The following KCNK2 variants were observed in gnomAD, a reference collection of about 807,000 sequenced individuals.
KCNK2 encodes the protein potassium two pore domain channel subfamily K member 2.
Under a neutral mutation model 40.5 loss-of-function variants are expected in KCNK2, and 21 were observed. That is an observed-to-expected ratio of 0.52 (90% CI 0.37 to 0.75). The LOEUF (loss-of-function observed/expected upper bound fraction) is 0.75, where lower values mean the gene tolerates loss of function less well. Ranked by LOEUF, KCNK2 falls within the 30% of genes least tolerant of loss-of-function variation. The pLI, the probability that KCNK2 is intolerant of heterozygous loss-of-function variation, is 0.00. For missense variants in KCNK2, 399 were observed against 531.6 expected, an observed-to-expected ratio of 0.75 and a Z score of 2.45; for synonymous variants, 191 against 202.2, an observed-to-expected ratio of 0.94 and a Z score of 0.47.
chr1:215,076,545 A>G (rs868010087), intron 1 of KCNK2, among the ~76,000 whole-genome samples: 44 of 152,148 alleles, frequency 2.9e-4, no homozygotes, highest in Admixed American at 1.0e-3. Flanking sequence ...ACCTCTCTGG[A>G]GGGTTGATTT....
At chr1:215,209,964 ATATATAT>A (rs1209981114) in intron 6 of KCNK2, among the ~76,000 whole-genome samples, 68 of 44,216 alleles carry the variant, frequency 1.5e-3, no homozygotes, top group Admixed American at 4.4e-3. Context: ...AATATATTTT[ATATATAT>A]TATATATATT....
chr1:215,005,602 C>T (rs1449835220), upstream of KCNK2, among the ~76,000 whole-genome samples: 1 of 152,198 alleles, frequency 6.6e-6, no homozygotes, highest in African/African-American at 2.4e-5. Flanking sequence ...AAGGAAGAAA[C>T]TTCTGTCTTT....
intron 6 of KCNK2, among the ~76,000 whole-genome samples, chr1:215,230,118 C>T (rs1229311463): frequency 6.9e-6 from 1 of 145,612 alleles, no homozygotes; most frequent in Admixed American, 6.8e-5. Context: ...CACACACACA[C>T]ACACACACAC....
At chr1:215,106,478 T>G (rs1660444541) in intron 2 of KCNK2, among the ~76,000 whole-genome samples, 1 of 152,106 alleles carries the variant, frequency 6.6e-6, no homozygotes. Flanking sequence ...ATTCTGGATA[T>G]TAGGTCCAGA....
At chr1:215,186,131 G>A (rs895306495) in intron 5 of KCNK2, among the ~76,000 whole-genome samples, 2 of 152,130 alleles carry the variant, frequency 1.3e-5, no homozygotes, top group Admixed American at 6.5e-5. Context: ...AGAACATGAC[G>A]ATTAGGCTGG....
At position 215,065,754 on chromosome 1, in the gene KCNK2, G is replaced by A. The variant is rs934468093; in HGVS notation, c.35-20614G>A. Among the ~76,000 whole-genome samples the A allele has an allele frequency of 9.8e-5, 15 of 152,310 alleles. No individual in the cohort carries two copies. In the East Asian group the frequency reaches 2.9e-3, roughly 29 times the overall value. ...TGGACACCTTGCATCAGTAACCCATGCTTTGACTTGGTCTGGCTAGTGACA... is the reference window on the plus strand; with the variant it reads ...TGGACACCTTGCATCAGTAACCCATACTTTGACTTGGTCTGGCTAGTGACA... On this transcript the variant is annotated intron_variant, in intron 1 of 6. Coordinates refer to the KCNK2 transcript ENST00000391895.
chr1:215,176,251 TG>T (rs1663964040), intron 5 of KCNK2, among the ~76,000 whole-genome samples: 1 of 152,290 alleles, frequency 6.6e-6, no homozygotes, highest in African/African-American at 2.4e-5. Context: ...ATTAGTGATG[TG>T]GGGCATTTTT....
At chr1:215,209,424 T>TATATAATATAAAATATATAAA (rs1558140057) in intron 6 of KCNK2, among the ~76,000 whole-genome samples, 1 of 54,886 alleles carries the variant, frequency 1.8e-5, no homozygotes, top group Non-Finnish European at 2.9e-5. Context: ...TTATATATAA[T>TATATAATATAAAATATATAAA]ATATATAATA....
chr1:215,081,100 C>T (rs1012772407), upstream of KCNK2, among the ~76,000 whole-genome samples: 1 of 152,116 alleles, frequency 6.6e-6, no homozygotes, highest in African/African-American at 2.4e-5. Context: ...GAGGGACCTT[C>T]CAGCCCCCAT....
chr1:215,076,178 C>G (rs911131482), intron 1 of KCNK2, among the ~76,000 whole-genome samples: 1 of 152,168 alleles, frequency 6.6e-6, no homozygotes, highest in African/African-American at 2.4e-5. Context: ...TAAATTTTGG[C>G]CTTTGAAAAA....
chr1:215,021,605 G>A (rs1013532601), intron 1 of KCNK2, among the ~76,000 whole-genome samples: 1 of 144,642 alleles, frequency 6.9e-6, no homozygotes. Context: ...GAGTGCAGTG[G>A]CGCGATCTCC....
chr1:215,080,057 G>C (rs567068909), upstream of KCNK2, among the ~76,000 whole-genome samples: 2 of 152,186 alleles, frequency 1.3e-5, no homozygotes, highest in African/African-American at 4.8e-5. Flanking sequence ...GGGGAATGTG[G>C]AGGACAACTG....
chr1:215,229,673 G>A (rs984047589), intron 6 of KCNK2, among the ~76,000 whole-genome samples: 19 of 151,562 alleles, frequency 1.3e-4, no homozygotes, highest in African/African-American at 2.4e-5. Context: ...AGAAAAAAAA[G>A]TGAAAAAAGA....
intron 6 of KCNK2, among the ~76,000 whole-genome samples, chr1:215,214,731 T>G (rs1169803244): frequency 6.6e-6 from 1 of 151,780 alleles, no homozygotes; most frequent in Non-Finnish European, 1.5e-5. Context: ...GAGGCTGAGG[T>G]GGGAGGATGG....
intron 2 of KCNK2, among the ~76,000 whole-genome samples, chr1:215,095,213 GA>G (rs1659926243): frequency 6.6e-6 from 1 of 152,068 alleles, no homozygotes; most frequent in Admixed American, 6.6e-5. Context: ...GTAAAATGGA[GA>G]AACAGAGGGA....
chr1:215,199,069 A>C (rs1267579282), intron 6 of KCNK2, among the ~76,000 whole-genome samples: 2 of 152,042 alleles, frequency 1.3e-5, no homozygotes, highest in Non-Finnish European at 2.9e-5. Flanking sequence ...GTACTTTGGG[A>C]GGCTGAGGCG....
intron 1 of KCNK2, chr1:215,005,983 C>T: frequency 6.3e-7 from 1 of 1,597,172 alleles, no homozygotes; most frequent in Non-Finnish European, 8.6e-7. Context: ...AATCAAGTAC[C>T]TTATTTGTTT....
At chr1:215,102,062 A>C (rs1660245954) in intron 2 of KCNK2, among the ~76,000 whole-genome samples, 1 of 152,018 alleles carries the variant, frequency 6.6e-6, no homozygotes, top group African/African-American at 2.4e-5. Context: ...GCCTGTATAC[A>C]ATATGTAATG....
intron 6 of KCNK2, among the ~76,000 whole-genome samples, chr1:215,204,969 T>C (rs1224308844): frequency 6.6e-6 from 1 of 152,204 alleles, no homozygotes; most frequent in African/African-American, 2.4e-5. Context: ...GAACAGCTTC[T>C]AATAAACGAC....
Sources: allele counts gnomAD v4.1 joint callset (sites outside exome capture counted in the v4.1 genomes callset), GRCh38; gene constraint gnomAD v4.1.1; transcripts MANE v1.5; gene names NCBI Gene and HGNC (gene_info 2026-07-23, HGNC 2026-07-21).